The following TMEM132C variants were observed in gnomAD, a reference collection of about 807,000 sequenced individuals.
The protein encoded by TMEM132C is protein phosphatase 1, regulatory subunit 152.
Under a neutral mutation model 61.4 loss-of-function variants are expected in TMEM132C, and 29 were observed. That is an observed-to-expected ratio of 0.47 (90% confidence interval 0.35 to 0.64). The LOEUF is 0.64. Ranked by LOEUF, TMEM132C falls within the 30% of genes least tolerant of loss-of-function variation. TMEM132C has a pLI of 0.00. For missense variants in TMEM132C, 1,408 were observed against 1,476.9 expected, an observed-to-expected ratio of 0.95 and a Z score of 0.76; for synonymous variants, 656 against 633.1, an observed-to-expected ratio of 1.04 and a Z score of -0.54.
At chr12:128,622,938 TTGC>T (rs1399667985) in intron 4 of TMEM132C, among the ~76,000 whole-genome samples, 1 of 152,186 alleles carries the variant, frequency 6.6e-6, no homozygotes, top group Non-Finnish European at 1.5e-5. Context: ...TGAAAAATAT[TTGC>T]TCAGTTGAAA....
At chr12:128,486,710 A>G (rs1290349698) in intron 2 of TMEM132C, among the ~76,000 whole-genome samples, 7 of 152,178 alleles carry the variant, frequency 4.6e-5, no homozygotes, top group African/African-American at 1.7e-4. Flanking sequence ...TTTGACAGGC[A>G]TAGCCTCTCA....
chr12:128,543,686 C>T (rs1384787729), intron 2 of TMEM132C, among the ~76,000 whole-genome samples: 1 of 152,076 alleles, frequency 6.6e-6, no homozygotes, highest in Admixed American at 6.5e-5. Flanking sequence ...GACAGCTCTG[C>T]CCTGCCACCT....
At chr12:128,399,359 G>A (rs1484522637) in intron 1 of TMEM132C, among the ~76,000 whole-genome samples, 1 of 152,190 alleles carries the variant, frequency 6.6e-6, no homozygotes, top group African/African-American at 2.4e-5. Flanking sequence ...GTTAATGTAA[G>A]TTTCCATCAT....
chr12:128,652,107 C>T (rs1023555315), intron 4 of TMEM132C, among the ~76,000 whole-genome samples: 14 of 152,198 alleles, frequency 9.2e-5, no homozygotes, highest in Non-Finnish European at 1.6e-4. Context: ...GTGTTCTGAC[C>T]TCTCTATCCT....
intron 3 of TMEM132C, among the ~76,000 whole-genome samples, chr12:128,567,452 A>G (rs1360351131): frequency 2.1e-5 from 3 of 144,420 alleles, no homozygotes; most frequent in African/African-American, 5.8e-5. Context: ...ACACACACAC[A>G]CACACACACA....
At chr12:128,595,466 G>A (rs1875911859) in intron 3 of TMEM132C, among the ~76,000 whole-genome samples, 1 of 152,206 alleles carries the variant, frequency 6.6e-6, no homozygotes, top group Admixed American at 6.5e-5. Context: ...TTCACTAAGG[G>A]GGGAAGCTGG....
intron 3 of TMEM132C, among the ~76,000 whole-genome samples, chr12:128,611,768 G>GA (rs955175563): frequency 3.6e-4 from 55 of 151,908 alleles, no homozygotes; most frequent in African/African-American, 1.2e-3. Context: ...AGATTTTAGA[G>GA]AAAAAAAAGC....
At chr12:128,289,987 T>C (rs1871202916) in intron 1 of TMEM132C, among the ~76,000 whole-genome samples, 1 of 152,226 alleles carries the variant, frequency 6.6e-6, no homozygotes, top group Non-Finnish European at 1.5e-5. Context: ...GCTGCTTTTC[T>C]TTCCTTGATG....
chr12:128,370,148 A>G (rs955285035), intron 1 of TMEM132C, among the ~76,000 whole-genome samples: 1 of 152,122 alleles, frequency 6.6e-6, no homozygotes, highest in African/African-American at 2.4e-5. Context: ...CTGAGCTTAG[A>G]TGGGCAGATG....
chr12:128,481,064 T>C (rs1871303283), intron 2 of TMEM132C, among the ~76,000 whole-genome samples: 1 of 152,132 alleles, frequency 6.6e-6, no homozygotes, highest in Non-Finnish European at 1.5e-5. Flanking sequence ...AATGAACAGG[T>C]GCATGTGAGT....
At chr12:128,423,448 G>T (rs1869061324) in intron 2 of TMEM132C, among the ~76,000 whole-genome samples, 1 of 152,208 alleles carries the variant, frequency 6.6e-6, no homozygotes, top group Non-Finnish European at 1.5e-5. Context: ...ATGAAGGGTG[G>T]ACACAGGGAA....
At chr12:128,449,226 C>T (rs1416971105) in intron 2 of TMEM132C, among the ~76,000 whole-genome samples, 1 of 151,560 alleles carries the variant, frequency 6.6e-6, no homozygotes, top group Non-Finnish European at 1.5e-5. Context: ...AAACTGAGCC[C>T]ATTTTTCTGC....
At chr12:128,347,493 A>G (rs1051129070) in intron 1 of TMEM132C, among the ~76,000 whole-genome samples, 2 of 148,346 alleles carry the variant, frequency 1.3e-5, no homozygotes, top group Non-Finnish European at 3.0e-5. Context: ...CACTGGTGCA[A>G]TCTCGGCTCA....
chr12:128,677,598 T>A (rs1229799117), intron 5 of TMEM132C, among the ~76,000 whole-genome samples: 1 of 152,012 alleles, frequency 6.6e-6, no homozygotes, highest in African/African-American at 2.4e-5. Flanking sequence ...CCTATGTACA[T>A]CCCCTCACCC....
rs141846546 is a variant in TMEM132C, at chr12:128,449,930, A to G, written c.974+34310A>G. ...AAGTTTAACATGCAATAGATGCTAG[A>G]ATTTTCTAGGGAAATGTCCACAAGA... On this transcript the variant is annotated intron_variant, in intron 2 of 8. Transcript: ENST00000435159. 1.9e-3 allele frequency among the ~76,000 whole-genome samples: 297 copies of G among 152,360 alleles called. 1 individual carries two copies. The highest frequency in any genetic ancestry group is 7.0e-3 in the African/African-American group (292 of 41,586).
chr12:128,607,512 T>C (rs1266667344), intron 3 of TMEM132C, among the ~76,000 whole-genome samples: 1 of 152,140 alleles, frequency 6.6e-6, no homozygotes, highest in Non-Finnish European at 1.5e-5. Context: ...TTAGGAGGCA[T>C]TGAAGTGAGC....
intron 2 of TMEM132C, among the ~76,000 whole-genome samples, chr12:128,416,233 C>T (rs1483958562): frequency 1.3e-5 from 2 of 152,174 alleles, no homozygotes; most frequent in African/African-American, 4.8e-5. Flanking sequence ...AATCCACCTA[C>T]TGTCACCATG....
At chr12:128,578,513 A>G (rs1875207100) in intron 3 of TMEM132C, among the ~76,000 whole-genome samples, 1 of 152,238 alleles carries the variant, frequency 6.6e-6, no homozygotes, top group Non-Finnish European at 1.5e-5. Context: ...ATTATCCATT[A>G]TCAGATGCAA....
At chr12:128,418,528 C>G (rs1349515668) in intron 2 of TMEM132C, among the ~76,000 whole-genome samples, 1 of 152,194 alleles carries the variant, frequency 6.6e-6, no homozygotes, top group Admixed American at 6.5e-5. Flanking sequence ...ACTGAAGGCG[C>G]TTCTTTAAAC....
Sources: allele counts gnomAD v4.1 joint callset (sites outside exome capture counted in the v4.1 genomes callset), GRCh38; gene constraint gnomAD v4.1.1; transcripts MANE v1.5; gene names NCBI Gene and HGNC (gene_info 2026-07-23, HGNC 2026-07-21).